AUTS2: variants seen among roughly 807,000 people sequenced by gnomAD.
AUTS2 encodes activator of transcription and developmental regulator AUTS2.
Under a neutral mutation model 112.4 loss-of-function variants are expected in AUTS2, and 17 were observed. The observed-to-expected ratio is 0.15, with a 90% CI of 0.10 to 0.23. The LOEUF (loss-of-function observed/expected upper bound fraction) is 0.23, where lower values mean the gene tolerates loss of function less well. AUTS2 is among the 10% of genes least tolerant of loss of function. AUTS2 has a pLI of 1.00. For synonymous variants in AUTS2, 751 were observed against 702.7 expected (o/e 1.07, Z -1.09); for missense variants, 1,510 against 1,701.6 (o/e 0.89, Z 1.98).
chr7:70,507,604 C>T (rs1365247401), intron 5 of AUTS2, among the ~76,000 whole-genome samples: 1 of 151,990 alleles, frequency 6.6e-6, no homozygotes, highest in Non-Finnish European at 1.5e-5. Flanking sequence ...CAAGACCAGC[C>T]TGACCAACAT....
intron 2 of AUTS2, among the ~76,000 whole-genome samples, chr7:69,914,390 C>CAG (rs1449396043): frequency 1.2e-4 from 18 of 151,284 alleles, no homozygotes; most frequent in African/African-American, 4.1e-4. Context: ...CACACACACA[C>CAG]ACACAAACAA....
chr7:70,283,741 A>T (rs934276760), intron 4 of AUTS2, among the ~76,000 whole-genome samples: 1 of 152,174 alleles, frequency 6.6e-6, no homozygotes, highest in African/African-American at 2.4e-5. Context: ...CTCTACTTAG[A>T]ATAGTCCTTT....
chr7:70,106,676 T>A (rs1408346637), intron 2 of AUTS2, among the ~76,000 whole-genome samples: 2 of 152,164 alleles, frequency 1.3e-5, no homozygotes, highest in African/African-American at 4.8e-5. Context: ...GGTGTGATCG[T>A]ACCACTGCAC....
chr7:69,972,925 A>G (rs1020712707), intron 2 of AUTS2, among the ~76,000 whole-genome samples: 1 of 152,176 alleles, frequency 6.6e-6, no homozygotes, highest in Non-Finnish European at 1.5e-5. Context: ...TTAAGATAAA[A>G]TAGTACCTGT....
At chr7:70,018,407 G>A (rs531300373) in intron 2 of AUTS2, among the ~76,000 whole-genome samples, 2 of 152,134 alleles carry the variant, frequency 1.3e-5, no homozygotes, top group African/African-American at 4.8e-5. Context: ...GGTATACCAG[G>A]ATCTAACGAT....
intron 5 of AUTS2, among the ~76,000 whole-genome samples, chr7:70,508,823 T>C (rs1799071959): frequency 6.6e-6 from 1 of 152,236 alleles, no homozygotes; most frequent in Admixed American, 6.5e-5. Flanking sequence ...GGGCAAGGTA[T>C]TAATTAGTTA....
At chr7:70,710,653 A>T (rs552816062) in intron 6 of AUTS2, among the ~76,000 whole-genome samples, 1 of 152,298 alleles carries the variant, frequency 6.6e-6, no homozygotes, top group East Asian at 1.9e-4. Flanking sequence ...TCATGAATGG[A>T]TTTAAGGAGG....
At chr7:69,889,500 G>T (rs1794425388) in intron 1 of AUTS2, among the ~76,000 whole-genome samples, 1 of 152,120 alleles carries the variant, frequency 6.6e-6, no homozygotes, top group African/African-American at 2.4e-5. Flanking sequence ...TTGTCTTTTT[G>T]ATAATACCCG....
intron 5 of AUTS2, among the ~76,000 whole-genome samples, chr7:70,512,830 A>C (rs1466610415): frequency 6.9e-6 from 1 of 144,490 alleles, no homozygotes; most frequent in Non-Finnish European, 1.5e-5. Context: ...CCCAAAACTC[A>C]CTTAAAGAAA....
intron 4 of AUTS2, among the ~76,000 whole-genome samples, chr7:70,243,864 TG>T (rs1812759772): frequency 6.6e-6 from 1 of 152,094 alleles, no homozygotes; most frequent in Non-Finnish European, 1.5e-5. Flanking sequence ...ATCATTAGAC[TG>T]GGCCTGCCCT....
chr7:70,784,889 T>C (rs993283427), intron 15 of AUTS2, 53 bp from the exon 16 acceptor site: 35 of 1,547,920 alleles, frequency 2.3e-5, no homozygotes, highest in Admixed American at 1.3e-4. Context: ...GCCGGTTGCA[T>C]CTTCGAAGTT....
rs528009205 is a variant in AUTS2 at position 70,108,783 on chromosome 7, C to CAAAAAAAAAAAAAAAA, written c.523-9333_523-9318dup. On this transcript the variant is annotated intron_variant, in intron 2 of 18. Transcript: ENST00000342771. ...TTCCAGACCAGCCTGGCCAACATGG[C>CAAAAAAAAAAAAAAAA]AAAAAAAAAAAAAAAAAAAAAAAAA... 1.3e-4 allele frequency among the ~76,000 whole-genome samples: 9 copies of CAAAAAAAAAAAAAAAA among 69,176 alleles called. 1 individual carries two copies. The highest frequency in any genetic ancestry group is 4.9e-4 in the African/African-American group (9 of 18,532). The allele number at this position is 69,176 out of a possible 152,430, so 45.4% of individuals were successfully genotyped here.
At chr7:70,671,923 A>T (rs905915954) in intron 5 of AUTS2, among the ~76,000 whole-genome samples, 2 of 152,210 alleles carry the variant, frequency 1.3e-5, no homozygotes, top group African/African-American at 4.8e-5. Flanking sequence ...ACCAAAAAAT[A>T]TCCCAGCAGA....
intron 5 of AUTS2, among the ~76,000 whole-genome samples, chr7:70,460,226 G>A (rs1313716809): frequency 6.6e-6 from 1 of 151,954 alleles, no homozygotes; most frequent in Non-Finnish European, 1.5e-5. Flanking sequence ...ACAGGAGGTC[G>A]AAGGAGGGAC....
intron 2 of AUTS2, among the ~76,000 whole-genome samples, chr7:70,006,981 T>G (rs1334100342): frequency 6.6e-6 from 1 of 152,158 alleles, no homozygotes; most frequent in East Asian, 1.9e-4. Flanking sequence ...ATATTCTTGT[T>G]CGTATCCCTA....
intron 1 of AUTS2, among the ~76,000 whole-genome samples, chr7:69,708,572 T>C (rs1798169010): frequency 6.6e-6 from 1 of 152,228 alleles, no homozygotes; most frequent in South Asian, 2.1e-4. Context: ...CTACATATTA[T>C]GTCCACAGTA....
intron 5 of AUTS2, among the ~76,000 whole-genome samples, chr7:70,481,760 C>T (rs1797796702): frequency 6.6e-6 from 1 of 152,152 alleles, no homozygotes; most frequent in African/African-American, 2.4e-5. Flanking sequence ...ACGCCACAGT[C>T]CACAGTCCTA....
intron 5 of AUTS2, among the ~76,000 whole-genome samples, chr7:70,586,327 G>A (rs1014019530): frequency 2.6e-4 from 40 of 152,106 alleles, no homozygotes; most frequent in African/African-American, 9.2e-4. Context: ...GCTATATGGT[G>A]GCTCTACAGG....
chr7:70,422,375 C>G (rs1468498864), intron 4 of AUTS2, among the ~76,000 whole-genome samples: 1 of 152,196 alleles, frequency 6.6e-6, no homozygotes, highest in Non-Finnish European at 1.5e-5. Flanking sequence ...AAAAGAAATA[C>G]AGTTTTTTTA....
Sources: allele counts gnomAD v4.1 joint callset (sites outside exome capture counted in the v4.1 genomes callset), GRCh38; gene constraint gnomAD v4.1.1; transcripts MANE v1.5; gene names NCBI Gene and HGNC (gene_info 2026-07-23, HGNC 2026-07-21).